Variants in P2RX5 observed in about 807,000 individuals in gnomAD.
P2RX5 encodes the protein P2X purinoceptor 5.
P2RX5 carries 46 observed loss-of-function variants against 54.1 expected under a neutral mutation model. That is an observed-to-expected ratio of 0.85 (90% CI 0.67 to 1.09). P2RX5 has a LOEUF of 1.09. P2RX5 is among the 50% of genes least tolerant of loss of function. P2RX5 has a pLI of 0.00. For synonymous variants in P2RX5, 226 were observed against 226.4 expected, an observed-to-expected ratio of 1.00 and a Z score of 0.02; for missense variants, 566 against 549.8, an observed-to-expected ratio of 1.03 and a Z score of -0.29.
the P2RX5 span, chr17:3,720,279 C>T: frequency 2.7e-6 from 3 of 1,097,372 alleles, no homozygotes; most frequent in Admixed American, 1.7e-5. Flanking sequence ...TTTCCTTGGG[C>T]ACTACTCAGA....
intron 5 of P2RX5, 124 bp downstream of exon 5, chr17:3,690,303 C>T: frequency 8.9e-7 from 1 of 1,120,046 alleles, no homozygotes; most frequent in Non-Finnish European, 1.3e-6. Flanking sequence ...TCGGGCCTCG[C>T]TGGGACAGCC....
chr17:3,714,625 T>C, the P2RX5 span: 6 of 428,676 alleles, frequency 1.4e-5, no homozygotes, highest in East Asian at 1.9e-4. Context: ...TTAAAGGCAC[T>C]ACTGCAAAGA....
chr17:3,698,105 A>C (rs1176317021), upstream of P2RX5, among the ~76,000 whole-genome samples: 1 of 151,454 alleles, frequency 6.6e-6, no homozygotes, highest in Non-Finnish European at 1.5e-5. Context: ...ATGACTGCGA[A>C]TTTTAGGGGC....
At chr17:3,684,937 C>G (rs987325692) in intron 9 of P2RX5, among the ~76,000 whole-genome samples, 5 of 145,626 alleles carry the variant, frequency 3.4e-5, no homozygotes, top group Non-Finnish European at 6.0e-5. Context: ...CCTCCTCCTC[C>G]CGGGTTCAAG....
the P2RX5 span, among the ~76,000 whole-genome samples, chr17:3,703,784 A>G: frequency 6.6e-6 from 1 of 152,018 alleles, no homozygotes; most frequent in Non-Finnish European, 1.5e-5. Flanking sequence ...AATTAAAGGA[A>G]ACAAAACAGA....
At chr17:3,706,250 G>T in the P2RX5 span, among the ~76,000 whole-genome samples, 1 of 151,854 alleles carries the variant, frequency 6.6e-6, no homozygotes, top group Non-Finnish European at 1.5e-5. Flanking sequence ...ATCACGCCTG[G>T]CCCCTGGGTA....
the P2RX5 span, among the ~76,000 whole-genome samples, chr17:3,709,171 C>T: frequency 3.3e-5 from 5 of 152,086 alleles, no homozygotes; most frequent in Non-Finnish European, 7.4e-5. Context: ...AAGCTGGTCT[C>T]GAACTCCTGA....
chr17:3,685,549 A>G lies in P2RX5; in HGVS notation c.981+2463T>C, dbSNP rs570630902. 4.6e-4 allele frequency: 73 copies of G among 157,006 alleles called. 10 individuals are homozygous for G. In the South Asian group the frequency reaches 0.012, roughly 26 times the overall value. The allele number at this position is 157,006 out of a possible 1,614,324, so 9.7% of individuals were successfully genotyped here. On this transcript the variant is annotated intron_variant, in intron 9 of 11. Transcript: ENST00000225328. ...GAGCGCCACCCCAGAGCCCACGTTG[A>G]TGATGGTGGGAATGATGCTGAACTT...
At chr17:3,693,700 T>G (rs2050680062) in intron 1 of P2RX5, among the ~76,000 whole-genome samples, 1 of 152,078 alleles carries the variant, frequency 6.6e-6, no homozygotes. Context: ...ATCATGCCAT[T>G]GCACTCCAGC....
At chr17:3,717,079 G>C in the P2RX5 span, 3 of 316,440 alleles carry the variant, frequency 9.5e-6, no homozygotes, top group African/African-American at 6.4e-5. Context: ...AAGATGCTCT[G>C]ACAGCTTGAA....
At chr17:3,723,787 C>A in the P2RX5 span, 1,114 of 1,599,844 alleles carry the variant, frequency 7.0e-4, 10 homozygotes, top group African/African-American at 0.013. Context: ...ACAAACCAAG[C>A]CGCCAGTTTT....
At chr17:3,690,240 G>A (rs1378773798) in intron 5 of P2RX5, 90 bp from the exon 6 acceptor site, 3 of 1,309,928 alleles carry the variant, frequency 2.3e-6, no homozygotes, top group Non-Finnish European at 2.2e-6. Flanking sequence ...TGTTCCTTGG[G>A]TCCCCTGGAG....
intron 1 of P2RX5, among the ~76,000 whole-genome samples, chr17:3,693,011 T>A (rs1208798466): frequency 2.6e-5 from 4 of 150,990 alleles, no homozygotes; most frequent in Non-Finnish European, 5.9e-5. Flanking sequence ...ACATTTGAAA[T>A]AATGTAGCTG....
In P2RX5 at chr17:3,673,870, A is replaced by G. The variant is rs763232116; in HGVS notation, c.1267T>C (p.Ter423ArgextTer11). ...PQLLEPHRST[*>R] The stretch of plus-strand genomic sequence containing the variant: ...GCCTGAACGTAAGCAGAGGCAATTC[A>G]CGTGCTCCTGGAATATCAGAACAGA... The change falls in exon 12 of 12, where the codon TGA becomes CGA. Residue 423 changes from the stop codon to arginine, a stop_lost. Coordinates refer to ENST00000225328, the MANE Select transcript of P2RX5 (RefSeq NM_002561.4). The G allele has an allele frequency of 3.1e-6, 5 of 1,612,884 alleles. No individual in the cohort carries two copies. Among genetic ancestry groups the G allele is most frequent in the African/African-American group, 1.3e-5 (1 of 75,012 alleles).
rs2050497589 is a variant in P2RX5 at position 3,688,024 on chromosome 17, C to T, written c.969G>A (p.Met323Ile). The change falls in exon 9 of 12, where the codon ATG becomes ATA. Residue 323 changes from methionine to isoleucine, a missense_variant. Transcript: ENST00000225328. ...MKAYGIRFDV[M>I]VNGKGAFFCD... Reference sequence around the variant, plus strand: ...AAGGCACACGCACCTTGCCGTTCACCATCACGTCAAAGCGGATCCCGTAGG... The same window carrying T: ...AAGGCACACGCACCTTGCCGTTCACTATCACGTCAAAGCGGATCCCGTAGG... 6.3e-7 allele frequency: 1 copy of T among 1,589,196 alleles called. No homozygotes were observed. The highest frequency in any genetic ancestry group is 1.7e-5 in the Admixed American group (1 of 58,342).
In P2RX5 at chr17:3,691,684, T is replaced by A; in HGVS notation, c.248A>T (p.Gln83Leu). 1 of 1,614,224 alleles carries A rather than the reference T, an allele frequency of 6.2e-7. No individual in the cohort carries two copies. Among genetic ancestry groups the A allele is most frequent in the Non-Finnish European group, 8.5e-7 (1 of 1,180,034 alleles). The change falls in exon 2 of 12, where the codon CAG (glutamine) becomes CTG (leucine). Residue 83 changes from glutamine (Q) to leucine (L), a missense_variant. Transcript: ENST00000225328. ...GTAGTCGGCGACATCCCAGATCCGC[T>A]GCCCAAGATCCGAGGTGTTGGTGAA... Reference protein sequence around the residue: ...VAFTNTSDLGQRIWDVADYVI... With the variant: ...VAFTNTSDLGLRIWDVADYVI...
At chr17:3,674,685 G>A (rs966801139) in intron 11 of P2RX5, among the ~76,000 whole-genome samples, 6 of 152,198 alleles carry the variant, frequency 3.9e-5, no homozygotes, top group South Asian at 2.1e-4. Context: ...CAGGTTCTCC[G>A]TTGCTCCTTC....
the P2RX5 span, chr17:3,722,631 G>A: frequency 6.5e-6 from 1 of 153,408 alleles, no homozygotes; most frequent in Non-Finnish European, 1.5e-5. Context: ...CGAGCTAGAA[G>A]AATAGGACAG....
intron 10 of P2RX5, among the ~76,000 whole-genome samples, chr17:3,680,188 C>T (rs370853597): frequency 0.084 from 7,088 of 84,476 alleles, 169 homozygotes; most frequent in East Asian, 0.17. Context: ...CTCCACCCTG[C>T]GTCCTCCACC....
Sources: allele counts gnomAD v4.1 joint callset (sites outside exome capture counted in the v4.1 genomes callset), GRCh38; gene constraint gnomAD v4.1.1; transcripts MANE v1.5; gene names NCBI Gene and HGNC (gene_info 2026-07-23, HGNC 2026-07-21).